RPS6KA6: variants seen among roughly 807,000 people sequenced by gnomAD.
The protein encoded by RPS6KA6 is ribosomal protein S6 kinase A6.
Under a neutral mutation model 65.4 loss-of-function variants are expected in RPS6KA6, and 27 were observed. That is an observed-to-expected ratio of 0.41 (90% CI 0.30 to 0.57). The LOEUF (loss-of-function observed/expected upper bound fraction) is 0.57, where lower values mean the gene tolerates loss of function less well. Ranked by LOEUF, RPS6KA6 falls within the 20% of genes least tolerant of loss-of-function variation. The pLI, the probability that RPS6KA6 is intolerant of heterozygous loss-of-function variation, is 0.24. For synonymous variants in RPS6KA6, 190 were observed against 184.2 expected, an observed-to-expected ratio of 1.03 and a Z score of -0.26; for missense variants, 486 against 555.6, an observed-to-expected ratio of 0.87 and a Z score of 1.26.
At chrX:84,169,216 A>G (rs2035642391) in intron 1 of RPS6KA6, among the ~76,000 whole-genome samples, 1 of 111,512 alleles carries the variant, frequency 9.0e-6, no homozygotes, top group Non-Finnish European at 1.9e-5. Flanking sequence ...AGACTCTCGT[A>G]CCAGGGCTTA....
intron 1 of RPS6KA6, among the ~76,000 whole-genome samples, chrX:84,177,825 C>T (rs899829145): frequency 2.7e-5 from 3 of 111,967 alleles, no homozygotes; most frequent in Non-Finnish European, 5.6e-5. Context: ...GACAAGGTCT[C>T]GCTCTGTCAC....
At chrX:84,136,569 A>G (rs2034995093) in intron 6 of RPS6KA6, among the ~76,000 whole-genome samples, 1 of 111,507 alleles carries the variant, frequency 9.0e-6, no homozygotes. Context: ...TTCAACTTCT[A>G]ACCAAGGATA....
At chrX:84,145,376 C>A in intron 6 of RPS6KA6, 102 bp downstream of exon 6, 1 of 497,217 alleles carries the variant, frequency 2.0e-6, no homozygotes, top group South Asian at 3.5e-5. Flanking sequence ...GAGTAGTTAC[C>A]ATTTAAAATT....
At chrX:84,069,284 G>A (rs1374892789) in intron 20 of RPS6KA6, among the ~76,000 whole-genome samples, 1 of 111,313 alleles carries the variant, frequency 9.0e-6, no homozygotes, top group Non-Finnish European at 1.9e-5. Context: ...TTTGATCTTC[G>A]ACAAACCTGA....
At position 84,187,812 on chromosome X, in the gene RPS6KA6, C is replaced by T. The variant is rs751763495; in HGVS notation, c.81+7G>A. The stretch of plus-strand genomic sequence containing the variant: ...TGGCTCCAGCCCGTCTTGGCCACCA[C>T]ACTAACCTCGCCGCTGCTCGCGCCG... On this transcript the variant is annotated splice_region_variant and intron_variant, in intron 1 of 21. Coordinates refer to ENST00000262752, the MANE Select transcript of RPS6KA6 (RefSeq NM_014496.5). 8.3e-7 allele frequency: 1 copy of T among 1,200,208 alleles called. No homozygotes were observed. Among genetic ancestry groups the T allele is most frequent in the Non-Finnish European group, 1.1e-6 (1 of 889,910 alleles).
intron 4 of RPS6KA6, 39 bp from the exon 5 acceptor site, chrX:84,147,097 C>G: frequency 2.6e-6 from 2 of 755,751 alleles, no homozygotes; most frequent in Non-Finnish European, 3.9e-6. Context: ...TGCTCTCTTA[C>G]ATCATTTCAG....
rs1303902698 is a variant in RPS6KA6 at position 84,079,419 on chromosome X, GT to G, written c.1972-14309del. ...TTGGGCAGACACTGAGCTAGCTGCA[GT>G]TTTTTTTTTTTTCTTTTTCATACCT... is the stretch of plus-strand genomic sequence containing the variant. On this transcript the variant is annotated intron_variant, in intron 20 of 21. Coordinates refer to ENST00000262752, the MANE Select transcript of RPS6KA6 (RefSeq NM_014496.5). Among the ~76,000 whole-genome samples, 298 of 103,856 alleles carry G rather than the reference GT, an allele frequency of 2.9e-3. 1 individual carries two copies. Among genetic ancestry groups the G allele is most frequent in the South Asian group, 0.018 (42 of 2,346 alleles). The allele number at this position is 103,856 out of a possible 115,157, so 90.2% of individuals were successfully genotyped here.
chrX:84,162,681 A>C (rs2035531991), intron 2 of RPS6KA6, among the ~76,000 whole-genome samples: 1 of 112,014 alleles, frequency 8.9e-6, no homozygotes, highest in Admixed American at 9.5e-5. Context: ...CCTGTGGTGT[A>C]AGCCATGATA....
chrX:84,120,703 C>T (rs6616900), intron 8 of RPS6KA6, among the ~76,000 whole-genome samples: 5 of 111,104 alleles, frequency 4.5e-5, no homozygotes, highest in African/African-American at 6.5e-5. Context: ...ATGAATTGGA[C>T]GATTTAATGT....
intron 6 of RPS6KA6, 119 bp from the exon 7 acceptor site, chrX:84,135,329 A>C: frequency 2.2e-6 from 1 of 450,359 alleles, no homozygotes; most frequent in East Asian, 4.0e-5. Context: ...TAATAAGCAC[A>C]GTCAATTCTT....
intron 20 of RPS6KA6, among the ~76,000 whole-genome samples, chrX:84,094,601 C>T (rs1021445799): frequency 3.0e-4 from 33 of 109,901 alleles, no homozygotes; most frequent in Admixed American, 2.2e-3. Flanking sequence ...GCCGAGATCG[C>T]GCCACTGCAC....
chrX:84,094,922 G>A (rs1476787426), intron 20 of RPS6KA6, among the ~76,000 whole-genome samples: 2 of 111,952 alleles, frequency 1.8e-5, no homozygotes, highest in African/African-American at 3.2e-5. Flanking sequence ...CATATTTAAT[G>A]AATAATACTA....
chrX:84,096,398 T>C, intron 19 of RPS6KA6, 87 bp from the exon 20 acceptor site: 1 of 391,164 alleles, frequency 2.6e-6, no homozygotes. Flanking sequence ...CATGCAAATA[T>C]TTACTTCAGT....
intron 17 of RPS6KA6, 55 bp downstream of exon 17, chrX:84,104,444 T>C: frequency 1.2e-6 from 1 of 863,021 alleles, no homozygotes; most frequent in Non-Finnish European, 1.5e-6. Flanking sequence ...ATCTCCTATA[T>C]TTTCATGAAG....
chrX:84,091,013 A>C (rs2147387199), intron 20 of RPS6KA6, among the ~76,000 whole-genome samples: 2 of 112,044 alleles, frequency 1.8e-5, no homozygotes, highest in South Asian at 7.5e-4. Flanking sequence ...TGAAAAGAGT[A>C]CTAAACTGAA....
chrX:84,180,567 CTTATT>C (rs1269041161), intron 1 of RPS6KA6, among the ~76,000 whole-genome samples: 2 of 111,454 alleles, frequency 1.8e-5, no homozygotes, highest in East Asian at 5.6e-4. Context: ...AGAGTAATTC[CTTATT>C]TTATTTTTCT....
intron 20 of RPS6KA6, among the ~76,000 whole-genome samples, chrX:84,092,859 T>C (rs957931865): frequency 3.6e-5 from 4 of 111,553 alleles, no homozygotes; most frequent in Non-Finnish European, 5.6e-5. Context: ...GGAATCAGTA[T>C]GTAGGAGAGC....
At chrX:84,155,534 A>T (rs1320508178) in intron 3 of RPS6KA6, among the ~76,000 whole-genome samples, 1 of 112,102 alleles carries the variant, frequency 8.9e-6, no homozygotes, top group African/African-American at 3.2e-5. Context: ...TTCTTACTCA[A>T]TTTTGCTTTC....
chrX:84,073,136 G>A (rs1402745557), intron 20 of RPS6KA6, among the ~76,000 whole-genome samples: 1 of 111,559 alleles, frequency 9.0e-6, no homozygotes, highest in African/African-American at 3.3e-5. Flanking sequence ...ATTCTATAAA[G>A]CTATAGTAAC....
Sources: gnomAD v4.1 joint callset for allele counts (sites outside exome capture counted in the v4.1 genomes callset) on GRCh38, gnomAD v4.1.1 for gene constraint, MANE v1.5 for transcripts, NCBI Gene and HGNC (gene_info 2026-07-23, HGNC 2026-07-21) for gene names.